The following SNX24 variants were observed in gnomAD, a reference collection of about 807,000 sequenced individuals.
The protein encoded by SNX24 is sorting nexin 24, also known as sorting nexin-24.
Under a neutral mutation model 28.7 loss-of-function variants are expected in SNX24, and 22 were observed. The ratio of observed to expected loss-of-function variants is 0.77; its 90% CI spans 0.55 to 1.10. The LOEUF is 1.10. Among genes scored for constraint, SNX24 ranks in the 50% least tolerant of loss-of-function variants. The pLI is 0.00. For missense variants in SNX24, 221 were observed against 201.1 expected, an observed-to-expected ratio of 1.10 and a Z score of -0.60; for synonymous variants, 69 against 71.5, an observed-to-expected ratio of 0.96 and a Z score of 0.18.
intron 5 of SNX24, among the ~76,000 whole-genome samples, chr5:123,025,034 T>G (rs1222876202): frequency 6.6e-6 from 1 of 152,254 alleles, no homozygotes; most frequent in East Asian, 1.9e-4. Context: ...TCAAATTCTC[T>G]TCAATAATTT....
At chr5:122,886,572 T>C (rs1756726162) in intron 1 of SNX24, among the ~76,000 whole-genome samples, 1 of 152,180 alleles carries the variant, frequency 6.6e-6, no homozygotes, top group Non-Finnish European at 1.5e-5. Context: ...CCCAGCACTT[T>C]GGGAGGCCTA....
intron 2 of SNX24, among the ~76,000 whole-genome samples, chr5:122,939,155 A>G (rs1008993047): frequency 3.3e-5 from 5 of 152,126 alleles, no homozygotes; most frequent in African/African-American, 1.2e-4. Context: ...GGTACCCTCG[A>G]TTTCCATATT....
chr5:122,902,484 G>T (rs1287950754), intron 1 of SNX24, among the ~76,000 whole-genome samples: 1 of 152,182 alleles, frequency 6.6e-6, no homozygotes. Context: ...CAAAAAGCAT[G>T]CAGTTTATAT....
intron 3 of SNX24, among the ~76,000 whole-genome samples, chr5:122,980,637 G>C (rs1330094097): frequency 6.6e-6 from 1 of 151,094 alleles, no homozygotes. Context: ...GGAGTTTAAG[G>C]TGCAAGAGGC....
At chr5:122,865,464 G>A (rs1755673277) in intron 1 of SNX24, among the ~76,000 whole-genome samples, 1 of 152,136 alleles carries the variant, frequency 6.6e-6, no homozygotes, top group African/African-American at 2.4e-5. Context: ...CTGAGTAGCT[G>A]GGATTACAGG....
chr5:122,926,278 G>A (rs1418032401), intron 1 of SNX24, among the ~76,000 whole-genome samples: 1 of 152,182 alleles, frequency 6.6e-6, no homozygotes, highest in Non-Finnish European at 1.5e-5. Flanking sequence ...GAGGAAGCTG[G>A]TGTGGCTGGA....
intron 3 of SNX24, among the ~76,000 whole-genome samples, chr5:122,947,359 TAGTG>T (rs1349985311): frequency 1.3e-5 from 2 of 152,084 alleles, no homozygotes; most frequent in Non-Finnish European, 2.9e-5. Context: ...GGCTTGTACT[TAGTG>T]AGAAATTCAG....
At chr5:122,857,790 T>G (rs1755271917) in intron 1 of SNX24, among the ~76,000 whole-genome samples, 1 of 152,174 alleles carries the variant, frequency 6.6e-6, no homozygotes, top group Non-Finnish European at 1.5e-5. Flanking sequence ...TGTACCACCT[T>G]TTCTTTTTTT....
At chr5:122,957,862 A>C (rs1213399038) in intron 3 of SNX24, among the ~76,000 whole-genome samples, 1 of 152,138 alleles carries the variant, frequency 6.6e-6, no homozygotes, top group Non-Finnish European at 1.5e-5. Flanking sequence ...ATTGATTTTT[A>C]TGTATTGATT....
At chr5:122,954,100 C>T (rs997788650) in intron 3 of SNX24, among the ~76,000 whole-genome samples, 1 of 152,008 alleles carries the variant, frequency 6.6e-6, no homozygotes. Flanking sequence ...GTATCTTTGA[C>T]TTTTCCAGTT....
intron 3 of SNX24, among the ~76,000 whole-genome samples, chr5:122,964,291 A>G (rs965661317): frequency 3.3e-5 from 5 of 150,782 alleles, no homozygotes; most frequent in African/African-American, 1.2e-4. Flanking sequence ...GTTCTGAATC[A>G]GGGACAGTTT....
intron 3 of SNX24, among the ~76,000 whole-genome samples, chr5:122,973,037 G>A (rs534337738): frequency 2.0e-5 from 3 of 152,308 alleles, no homozygotes; most frequent in African/African-American, 7.2e-5. Context: ...AGACCGAGTG[G>A]TGTCCACAGA....
At chr5:122,965,582 C>G in intron 3 of SNX24, 2 of 361,390 alleles carry the variant, frequency 5.5e-6, no homozygotes, top group South Asian at 2.1e-5. Flanking sequence ...AAGAGACAAG[C>G]ATATGGGGAA....
Position 123,025,364 on chromosome 5 carries a change from A to G in SNX24, n.384-3874A>G, listed in dbSNP as rs117311432. 3.9e-4 allele frequency among the ~76,000 whole-genome samples: 59 copies of G among 152,264 alleles called. No homozygotes were observed. In the East Asian group the frequency reaches 9.8e-3, roughly 25 times the overall value. ...TCTACTTTCTGTTTCTATCAATGTG[A>G]CCACTTTAGATATTTTATATAAATG... On this transcript the variant is annotated intron_variant and non_coding_transcript_variant, in intron 5 of 5. Transcript: ENST00000502387.
chr5:122,846,935 AAACCCTCG>A (rs1754665190), intron 1 of SNX24, among the ~76,000 whole-genome samples: 1 of 150,982 alleles, frequency 6.6e-6, no homozygotes, highest in Non-Finnish European at 1.5e-5. Flanking sequence ...ACAAACAAAC[AAACCCTCG>A]AGTTTGTTCA....
chr5:122,953,806 TTAAA>T lies in SNX24; in HGVS notation c.249+7649_249+7652del, dbSNP rs1281126526. Among the ~76,000 whole-genome samples the T allele has an allele frequency of 4.6e-5, 7 of 152,214 alleles. No individual in the cohort carries two copies. In the South Asian group the frequency reaches 1.4e-3, roughly 32 times the overall value. Reference sequence around the variant, plus strand: ...ATTTTTTTCTTTTTGTAAACAGTAATTAAATGTATAGTTAGTATTAAGAGCTAAA... The same window carrying T: ...ATTTTTTTCTTTTTGTAAACAGTAATTGTATAGTTAGTATTAAGAGCTAAA... On this transcript the variant is annotated intron_variant, in intron 3 of 6. Transcript: ENST00000261369.
chr5:122,961,439 A>G (rs979648879), intron 3 of SNX24, among the ~76,000 whole-genome samples: 3 of 152,344 alleles, frequency 2.0e-5, no homozygotes, highest in African/African-American at 7.2e-5. Context: ...TACAGTTTCT[A>G]TGAAGGTCCT....
At chr5:122,853,100 A>G (rs1355292774) in intron 1 of SNX24, among the ~76,000 whole-genome samples, 1 of 151,096 alleles carries the variant, frequency 6.6e-6, no homozygotes, top group Non-Finnish European at 1.5e-5. Flanking sequence ...GCATGTGTAA[A>G]ATATGTTCTT....
At chr5:122,871,150 G>A (rs1755956903) in intron 1 of SNX24, among the ~76,000 whole-genome samples, 1 of 152,164 alleles carries the variant, frequency 6.6e-6, no homozygotes, top group Non-Finnish European at 1.5e-5. Context: ...ACTTGCCCCA[G>A]CACATATTAT....
Sources: gnomAD v4.1 joint callset for allele counts (sites outside exome capture counted in the v4.1 genomes callset) on GRCh38, gnomAD v4.1.1 for gene constraint, MANE v1.5 for transcripts, NCBI Gene and HGNC (gene_info 2026-07-23, HGNC 2026-07-21) for gene names.